The following MACROD2 variants were observed in gnomAD, a reference collection of about 807,000 sequenced individuals.
MACROD2 encodes the protein ADP-ribose glycohydrolase MACROD2.
In MACROD2, 36 loss-of-function variants were observed where a neutral mutation model predicts 70.4. The observed-to-expected ratio is 0.51, with a 90% CI of 0.39 to 0.68. MACROD2 has a LOEUF of 0.68. MACROD2 is among the 30% of genes least tolerant of loss of function. The pLI, the probability that MACROD2 is intolerant of heterozygous loss-of-function variation, is 0.00. For synonymous variants in MACROD2, 172 were observed against 178.8 expected (o/e 0.96, Z 0.30); for missense variants, 496 against 538.4 (o/e 0.92, Z 0.78).
intron 5 of MACROD2, among the ~76,000 whole-genome samples, chr20:14,815,475 C>A (rs1051670979): frequency 6.6e-6 from 1 of 151,906 alleles, no homozygotes; most frequent in Non-Finnish European, 1.5e-5. Context: ...TACATCTATT[C>A]CCTGGAATTA....
intron 6 of MACROD2, among the ~76,000 whole-genome samples, chr20:15,366,128 T>A (rs982153839): frequency 1.4e-4 from 22 of 152,254 alleles, no homozygotes; most frequent in African/African-American, 5.1e-4. Context: ...CAGCCATCTC[T>A]GGAACAGAGT....
intron 3 of MACROD2, among the ~76,000 whole-genome samples, chr20:14,257,379 A>C (rs2082066221): frequency 1.3e-5 from 2 of 152,046 alleles, no homozygotes; most frequent in South Asian, 4.1e-4. Context: ...ACCTATTTTT[A>C]CTCCTTTTAG....
chr20:14,699,185 G>C (rs1331787702), intron 5 of MACROD2, among the ~76,000 whole-genome samples: 2 of 152,152 alleles, frequency 1.3e-5, no homozygotes, highest in African/African-American at 4.8e-5. Flanking sequence ...CCCCGATACA[G>C]AGTCAGCGTT....
At chr20:14,589,276 C>T (rs1485400068) in intron 4 of MACROD2, among the ~76,000 whole-genome samples, 2 of 152,044 alleles carry the variant, frequency 1.3e-5, no homozygotes, top group Non-Finnish European at 2.9e-5. Context: ...GTGCTAAAAT[C>T]GCTATTCTTT....
chr20:14,983,501 C>T (rs1266364686), intron 5 of MACROD2, among the ~76,000 whole-genome samples: 2 of 152,030 alleles, frequency 1.3e-5, no homozygotes, highest in Non-Finnish European at 2.9e-5. Context: ...GTAATTGAAT[C>T]ATGGGGGCGG....
rs542621046 is a variant in MACROD2, at chr20:16,002,175, G to C, written c.1153+15017G>C. 3.4e-4 allele frequency among the ~76,000 whole-genome samples: 52 copies of C among 152,152 alleles called. 1 individual carries two copies. The highest frequency in any genetic ancestry group is 6.5e-4 in the Non-Finnish European group (44 of 68,012). ...TGACAATACAGGAACATATCCAGAAGATATCTTACTATTTTATCACCTATA... is the reference window on the plus strand; with the variant it reads ...TGACAATACAGGAACATATCCAGAACATATCTTACTATTTTATCACCTATA... On this transcript the variant is annotated intron_variant, in intron 15 of 17. Coordinates refer to ENST00000684519, the MANE Select transcript of MACROD2 (RefSeq NM_001351661.2).
At chr20:14,467,299 A>G (rs1170658247) in intron 3 of MACROD2, among the ~76,000 whole-genome samples, 1 of 152,074 alleles carries the variant, frequency 6.6e-6, no homozygotes, top group Non-Finnish European at 1.5e-5. Flanking sequence ...TGTGCTAGCA[A>G]TGAGCGAGGT....
At chr20:14,164,465 T>C (rs748296418) in intron 3 of MACROD2, among the ~76,000 whole-genome samples, 37 of 152,056 alleles carry the variant, frequency 2.4e-4, no homozygotes, top group Non-Finnish European at 4.6e-4. Flanking sequence ...GCAGTGTGGG[T>C]CAGGCAGGTA....
chr20:14,430,932 G>A (rs772326243), intron 3 of MACROD2, among the ~76,000 whole-genome samples: 3 of 152,064 alleles, frequency 2.0e-5, no homozygotes, highest in African/African-American at 4.8e-5. Context: ...CTTGGAAGCC[G>A]CATGATGGGA....
At chr20:15,126,163 T>A (rs1346590935) in intron 5 of MACROD2, among the ~76,000 whole-genome samples, 1 of 150,684 alleles carries the variant, frequency 6.6e-6, no homozygotes, top group Non-Finnish European at 1.5e-5. Context: ...TATAAACATT[T>A]GTGTACAAGT....
intron 5 of MACROD2, among the ~76,000 whole-genome samples, chr20:15,080,136 A>G (rs1814835296): frequency 7.1e-6 from 1 of 140,760 alleles, no homozygotes; most frequent in Non-Finnish European, 1.6e-5. Context: ...ATAAATAAAT[A>G]AATAAATAAA....
chr20:15,106,310 C>A (rs1173020619), intron 5 of MACROD2, among the ~76,000 whole-genome samples: 2 of 151,906 alleles, frequency 1.3e-5, no homozygotes, highest in African/African-American at 4.8e-5. Flanking sequence ...AAGATGTAGG[C>A]TTTACACATA....
At chr20:14,110,707 G>T (rs1252422940) in intron 3 of MACROD2, among the ~76,000 whole-genome samples, 1 of 151,860 alleles carries the variant, frequency 6.6e-6, no homozygotes, top group African/African-American at 2.4e-5. Flanking sequence ...AAACATTGAT[G>T]CCAGAAATTG....
intron 8 of MACROD2, among the ~76,000 whole-genome samples, chr20:15,812,179 C>T (rs1413776218): frequency 6.6e-6 from 1 of 152,220 alleles, no homozygotes; most frequent in East Asian, 1.9e-4. Context: ...TCCCCCACCC[C>T]TTGGATTCTT....
Position 14,540,676 on chromosome 20 carries a change from G to T in MACROD2, c.301+47168G>T, listed in dbSNP as rs900420238. On this transcript the variant is annotated intron_variant, in intron 4 of 17. Transcript: ENST00000684519. ...AAAAGACAGGGATGTTGCTGGGTCAGGTGAAGATGTTGCCATAATCCCTTT... is the reference window on the plus strand; with the variant it reads ...AAAAGACAGGGATGTTGCTGGGTCATGTGAAGATGTTGCCATAATCCCTTT... Among the ~76,000 whole-genome samples, 11 of 152,268 alleles carry T rather than the reference G, an allele frequency of 7.2e-5. No individual in the cohort carries two copies. The South Asian group carries it at 2.1e-3, about 29-fold the overall frequency.
intron 3 of MACROD2, among the ~76,000 whole-genome samples, chr20:14,366,985 CT>C (rs2083279021): frequency 6.6e-6 from 1 of 152,090 alleles, no homozygotes; most frequent in Admixed American, 6.5e-5. Context: ...TCATTTGCTT[CT>C]CTACTGCCAT....
chr20:14,484,495 T>C (rs1017896896), intron 3 of MACROD2, among the ~76,000 whole-genome samples: 1 of 152,222 alleles, frequency 6.6e-6, no homozygotes, highest in African/African-American at 2.4e-5. Context: ...TATTATTTAC[T>C]ATAGTCACCC....
intron 15 of MACROD2, among the ~76,000 whole-genome samples, chr20:16,025,609 T>C (rs1601342139): frequency 7.0e-6 from 1 of 142,582 alleles, no homozygotes; most frequent in South Asian, 2.1e-4. Flanking sequence ...GGAAGCCGCC[T>C]GGGGATGGCG....
intron 8 of MACROD2, among the ~76,000 whole-genome samples, chr20:15,594,374 T>C (rs2048718920): frequency 6.6e-6 from 1 of 152,052 alleles, no homozygotes. Context: ...TGACAGCCAC[T>C]TCAATTGGCT....
Sources: allele counts gnomAD v4.1 joint callset (sites outside exome capture counted in the v4.1 genomes callset), GRCh38; gene constraint gnomAD v4.1.1; transcripts MANE v1.5; gene names NCBI Gene and HGNC (gene_info 2026-07-23, HGNC 2026-07-21).